The following UBR3 variants were observed in gnomAD, a reference collection of about 807,000 sequenced individuals.
UBR3 encodes the protein E3 ubiquitin-protein ligase UBR3.
UBR3 carries 85 observed loss-of-function variants against 243.2 expected under a neutral mutation model. The observed-to-expected ratio is 0.35, with a 90% confidence interval of 0.29 to 0.42. The LOEUF is 0.42. UBR3 is among the 10% of genes least tolerant of loss of function. The probability of loss-of-function intolerance (pLI) is 1.00; values close to 1 mark genes in which losing one functional copy is unlikely to be tolerated. For missense variants in UBR3, 1,686 were observed against 2,300.8 expected, an observed-to-expected ratio of 0.73 and a Z score of 5.47; for synonymous variants, 748 against 799.8, an observed-to-expected ratio of 0.94 and a Z score of 1.09.
chr2:170,001,711 C>T (rs529473690), intron 27 of UBR3, among the ~76,000 whole-genome samples: 13 of 152,012 alleles, frequency 8.6e-5, no homozygotes, highest in East Asian at 7.7e-4. Flanking sequence ...GCCTGGCCAA[C>T]GTGGCCACCT....
chr2:169,890,563 A>ATATATATATATATATATGTG lies in UBR3; in HGVS notation c.1039-601_1039-600insATATATATATATATATGTGT, dbSNP rs1255881148. 1.6e-3 allele frequency among the ~76,000 whole-genome samples: 136 copies of ATATATATATATATATATGTG among 83,744 alleles called. 1 individual carries two copies. Among genetic ancestry groups the ATATATATATATATATATGTG allele is most frequent in the African/African-American group, 5.3e-3 (104 of 19,610 alleles). 54.9% of individuals were successfully genotyped at this position (83,744 alleles called of 152,430 possible). A position where few individuals can be genotyped will look rare whatever the true frequency, so the allele number is the denominator to read the frequency against. The stretch of plus-strand genomic sequence containing the variant: ...GAGATATATATATATATATATATAT[A>ATATATATATATATATATGTG]TGTGTATATATATATATGTATATAT... On this transcript the variant is annotated intron_variant, in intron 5 of 38. Coordinates refer to ENST00000272793, the MANE Select transcript of UBR3 (RefSeq NM_172070.4).
chr2:170,041,543 CATT>C (rs1315093752), intron 32 of UBR3, among the ~76,000 whole-genome samples: 5 of 152,128 alleles, frequency 3.3e-5, no homozygotes, highest in African/African-American at 1.2e-4. Context: ...AATATCATAA[CATT>C]ATTATATTAA....
At chr2:169,881,105 GAGA>G (rs1407642896) in intron 5 of UBR3, among the ~76,000 whole-genome samples, 2 of 152,116 alleles carry the variant, frequency 1.3e-5, no homozygotes, top group African/African-American at 2.4e-5. Context: ...TGTTATAGCT[GAGA>G]AGATTTACTT....
rs768275206 is a variant in UBR3, at chr2:169,949,849, C to G, written c.3329C>G (p.Pro1110Arg). ...GGAAAACAAAACTCCTACTATCCTC[C>G]TTGGCTTGATGACATAGAAATTTTA... ...LSGKQNSYYP[P>R]WLDDIEILIQ... The change falls in exon 23 of 39, where the codon CCT (proline) becomes CGT (arginine). Residue 1110 changes from proline to arginine, a missense_variant. Physicochemically the swap from Pro to Arg is moderately radical, Grantham distance 103. Around this residue, in one of 8 missense-constraint regions of UBR3, gnomAD observed 300 missense variants for 314.4 expected, o/e 0.95. Coordinates refer to ENST00000272793, the MANE Select transcript of UBR3 (RefSeq NM_172070.4). 9 of 1,580,300 alleles carry G rather than the reference C, an allele frequency of 5.7e-6. No individual in the cohort carries two copies. The East Asian group carries it at 2.1e-4, about 36-fold the overall frequency.
intron 25 of UBR3, among the ~76,000 whole-genome samples, chr2:169,989,317 T>C (rs1282861797): frequency 1.3e-5 from 2 of 152,206 alleles, no homozygotes; most frequent in African/African-American, 4.8e-5. Context: ...AATTTATTTA[T>C]AGTTGCAGTA....
intron 20 of UBR3, among the ~76,000 whole-genome samples, chr2:169,944,984 C>T (rs1486481835): frequency 1.3e-5 from 2 of 152,148 alleles, no homozygotes; most frequent in Admixed American, 6.5e-5. Flanking sequence ...TCAGTCTCCT[C>T]CTGCTGCTGC....
chr2:169,848,731 A>G lies in UBR3; in HGVS notation c.545+20679A>G, dbSNP rs556895872. On this transcript the variant is annotated intron_variant, in intron 1 of 38. Coordinates refer to ENST00000272793, the MANE Select transcript of UBR3 (RefSeq NM_172070.4). ...TAATTTTTTTTTTTTTTTGAGACAA[A>G]GAATTCTGTTGCCCAGGCTGGAGTG... is the stretch of plus-strand genomic sequence containing the variant. 8.3e-4 allele frequency among the ~76,000 whole-genome samples: 125 copies of G among 150,860 alleles called. 2 individuals are homozygous for G. Among genetic ancestry groups the G allele is most frequent in the Non-Finnish European group, 4.7e-4 (32 of 67,812 alleles).
rs191249968 is a variant in UBR3 at position 170,006,193 on chromosome 2, G to A, written c.4030-797G>A. 2.0e-3 allele frequency among the ~76,000 whole-genome samples: 303 copies of A among 152,196 alleles called. 3 individuals are homozygous for A. The highest frequency in any genetic ancestry group is 7.0e-3 in the African/African-American group (291 of 41,508). ...CTCACAAATCTTCTTCTCTGGAAAG[G>A]CTTCTCTGTTGTGGCATTTATCACA... On this transcript the variant is annotated intron_variant, in intron 27 of 38. Coordinates refer to ENST00000272793, the MANE Select transcript of UBR3 (RefSeq NM_172070.4).
intron 18 of UBR3, 101 bp from the exon 19 acceptor site, chr2:169,932,811 C>A (rs1352543376): frequency 5.0e-6 from 5 of 996,692 alleles, no homozygotes; most frequent in Non-Finnish European, 7.3e-6. Flanking sequence ...TTAAATTGTT[C>A]TGTGTTTTAA....
intron 24 of UBR3, among the ~76,000 whole-genome samples, chr2:169,975,359 G>GT (rs1274953104): frequency 6.6e-6 from 1 of 152,220 alleles, no homozygotes; most frequent in Non-Finnish European, 1.5e-5. Context: ...GTTGTGACTT[G>GT]TTTTTTGGCC....
intron 8 of UBR3, among the ~76,000 whole-genome samples, chr2:169,899,885 T>G (rs2084748588): frequency 6.6e-6 from 1 of 152,042 alleles, no homozygotes; most frequent in African/African-American, 2.4e-5. Context: ...CACATTTTCT[T>G]TATCTAGTCC....
intron 1 of UBR3, among the ~76,000 whole-genome samples, chr2:169,870,923 G>A (rs1390991647): frequency 1.3e-5 from 2 of 151,260 alleles, no homozygotes; most frequent in African/African-American, 4.9e-5. Context: ...CAAAGTGCTG[G>A]GATTACAGGC....
At chr2:169,889,246 A>G (rs2084232567) in intron 5 of UBR3, among the ~76,000 whole-genome samples, 1 of 152,082 alleles carries the variant, frequency 6.6e-6, no homozygotes, top group Non-Finnish European at 1.5e-5. Context: ...TCTTGGCATG[A>G]CTTTCCCCTT....
chr2:169,838,561 C>T (rs1004811779), intron 1 of UBR3, among the ~76,000 whole-genome samples: 10 of 152,118 alleles, frequency 6.6e-5, no homozygotes, highest in African/African-American at 2.4e-4. Flanking sequence ...GACTTAATCA[C>T]ATCCCCAAAG....
At chr2:169,940,253 A>G (rs1242255352) in intron 19 of UBR3, among the ~76,000 whole-genome samples, 5 of 152,138 alleles carry the variant, frequency 3.3e-5, no homozygotes, top group African/African-American at 1.2e-4. Context: ...TAACAAATGT[A>G]TGGATTTTAA....
In UBR3 at chr2:170,007,119, C is replaced by T; in HGVS notation, c.4159C>T (p.Pro1387Ser). 1 of 1,613,420 alleles carries T rather than the reference C, an allele frequency of 6.2e-7. No homozygotes were observed. Among genetic ancestry groups the T allele is most frequent in the Non-Finnish European group, 8.5e-7 (1 of 1,179,876 alleles). The part of the protein sequence containing the change: ...SNVENNPWQR[P>S]SNKSIQDLIK... Reference sequence around the variant, plus strand: ...TGTGGAAAATAACCCTTGGCAACGTCCTAGCAACAAAAGCATACAAGATCT... The same window carrying T: ...TGTGGAAAATAACCCTTGGCAACGTTCTAGCAACAAAAGCATACAAGATCT... Residue 1387 changes from proline to serine, a missense_variant, in exon 28 of 39, where the codon CCT (proline) becomes TCT (serine). Transcript: ENST00000272793.
chr2:169,948,074 T>C (rs539994614), intron 22 of UBR3: 23 of 391,042 alleles, frequency 5.9e-5, no homozygotes, highest in African/African-American at 5.2e-4. Flanking sequence ...CTTGGATTTA[T>C]GTGTGTTTTT....
intron 10 of UBR3, 32 bp downstream of exon 10, chr2:169,906,196 G>T (rs368084053): frequency 6.6e-7 from 1 of 1,516,922 alleles, no homozygotes; most frequent in Non-Finnish European, 8.8e-7. Flanking sequence ...TAATTTCTGT[G>T]TTTAAGAAAA....
Position 169,838,387 on chromosome 2 carries a change from T to G in UBR3, c.545+10335T>G, listed in dbSNP as rs7596481. On this transcript the variant is annotated intron_variant, in intron 1 of 38. Coordinates refer to ENST00000272793, the MANE Select transcript of UBR3 (RefSeq NM_172070.4). ...GCTGGGAAGTCCAAGATTAAGGCAT[T>G]TGTGTGTGTGTGTGTGTGTGTGTGT... 6.7e-3 allele frequency among the ~76,000 whole-genome samples: 764 copies of G among 114,432 alleles called. 31 individuals carry two copies. Among genetic ancestry groups the G allele is most frequent in the African/African-American group, 0.017 (532 of 30,672 alleles). 75.1% of individuals were successfully genotyped at this position (114,432 alleles called of 152,430 possible).
Sources: allele counts gnomAD v4.1 joint callset (sites outside exome capture counted in the v4.1 genomes callset), GRCh38; gene constraint gnomAD v4.1.1; regional missense constraint gnomAD v4.1.1; transcripts MANE v1.5; gene names NCBI Gene and HGNC (gene_info 2026-07-23, HGNC 2026-07-21).